Variants in CNTNAP2 observed in about 807,000 individuals in gnomAD.
The protein encoded by CNTNAP2 is contactin associated protein 2, also known as contactin-associated protein-like 2.
CNTNAP2 carries 98 observed loss-of-function variants against 155.2 expected under a neutral mutation model. The ratio of observed to expected loss-of-function variants is 0.63; its 90% CI spans 0.54 to 0.75. CNTNAP2 has a LOEUF of 0.75. CNTNAP2 is among the 30% of genes least tolerant of loss of function. The pLI is 0.00. For missense variants in CNTNAP2, 1,727 were observed against 1,688.1 expected, an observed-to-expected ratio of 1.02 and a Z score of -0.40; for synonymous variants, 651 against 631.2, an observed-to-expected ratio of 1.03 and a Z score of -0.47.
At chr7:147,137,382 T>A (rs928376020) in intron 8 of CNTNAP2, among the ~76,000 whole-genome samples, 1 of 151,480 alleles carries the variant, frequency 6.6e-6, no homozygotes, top group Non-Finnish European at 1.5e-5. Context: ...CTAATGTTGA[T>A]CATCTCTAAT....
chr7:146,990,108 G>A (rs915213692), intron 3 of CNTNAP2, among the ~76,000 whole-genome samples: 1 of 152,090 alleles, frequency 6.6e-6, no homozygotes, highest in Non-Finnish European at 1.5e-5. Context: ...GGATTTGCAA[G>A]AGGACATAGT....
At chr7:146,844,729 G>T (rs10249664) in intron 3 of CNTNAP2, among the ~76,000 whole-genome samples, 5,630 of 152,132 alleles carry the variant, frequency 0.037, 341 homozygotes, top group African/African-American at 0.13. Flanking sequence ...TGTAGGATAG[G>T]AACATACTAC....
chr7:147,954,759 GT>G (rs1164935361), intron 14 of CNTNAP2, among the ~76,000 whole-genome samples: 2 of 152,164 alleles, frequency 1.3e-5, no homozygotes, highest in African/African-American at 4.8e-5. Flanking sequence ...TCCAAAGTGT[GT>G]TAGACACAAT....
At chr7:146,877,471 C>T (rs1454190351) in intron 3 of CNTNAP2, among the ~76,000 whole-genome samples, 2 of 151,754 alleles carry the variant, frequency 1.3e-5, no homozygotes, top group African/African-American at 4.8e-5. Context: ...CCCCACTGCA[C>T]TCCAGCCAGG....
intron 3 of CNTNAP2, among the ~76,000 whole-genome samples, chr7:146,909,220 A>T (rs1247657078): frequency 1.5e-4 from 22 of 149,038 alleles, no homozygotes; most frequent in Non-Finnish European, 2.5e-4. Context: ...ATTCTACCAG[A>T]GGTACAAGGA....
chr7:147,479,941 A>C (rs1798392697), intron 10 of CNTNAP2, among the ~76,000 whole-genome samples: 1 of 152,152 alleles, frequency 6.6e-6, no homozygotes, highest in Non-Finnish European at 1.5e-5. Flanking sequence ...TTTCTATTTG[A>C]ATAAAATAAA....
intron 13 of CNTNAP2, among the ~76,000 whole-genome samples, chr7:147,692,497 T>C (rs1360725354): frequency 6.6e-6 from 1 of 152,126 alleles, no homozygotes; most frequent in African/African-American, 2.4e-5. Flanking sequence ...CTGTCATTGC[T>C]TCACATTCTT....
At chr7:147,945,855 T>C (rs1398372330) in intron 14 of CNTNAP2, among the ~76,000 whole-genome samples, 1 of 145,354 alleles carries the variant, frequency 6.9e-6, no homozygotes, top group Non-Finnish European at 1.5e-5. Context: ...TTCTTTTCTT[T>C]TTTTTTCTTT....
At chr7:147,965,083 G>C (rs2116847687) in intron 14 of CNTNAP2, among the ~76,000 whole-genome samples, 1 of 152,268 alleles carries the variant, frequency 6.6e-6, no homozygotes, top group East Asian at 1.9e-4. Flanking sequence ...GTTGGAGAAA[G>C]AAGCCCAGGT....
chr7:147,364,634 G>T (rs13247402), intron 9 of CNTNAP2, among the ~76,000 whole-genome samples: 35,095 of 152,068 alleles, frequency 0.23, 4,392 homozygotes, highest in Non-Finnish European at 0.28. Flanking sequence ...CGGATCACAA[G>T]GTCAGGAGAT....
intron 1 of CNTNAP2, among the ~76,000 whole-genome samples, chr7:146,439,539 G>A (rs1294818206): frequency 1.3e-5 from 2 of 151,364 alleles, no homozygotes; most frequent in African/African-American, 2.5e-5. Context: ...AAAATTGTAT[G>A]TTCTGTCCAA....
intron 14 of CNTNAP2, among the ~76,000 whole-genome samples, chr7:147,944,160 G>A (rs1800779029): frequency 6.6e-6 from 1 of 152,044 alleles, no homozygotes; most frequent in African/African-American, 2.4e-5. Flanking sequence ...CTAGCCTACT[G>A]GTGTCTCATT....
At chr7:147,494,423 CTCTT>C (rs975670541) in intron 11 of CNTNAP2, among the ~76,000 whole-genome samples, 3 of 130,958 alleles carry the variant, frequency 2.3e-5, no homozygotes, top group African/African-American at 9.0e-5. Flanking sequence ...TTTGCAAAGA[CTCTT>C]TCAATAGTTT....
At position 146,943,258 on chromosome 7, in the gene CNTNAP2, G is replaced by A. The variant is rs143088599; in HGVS notation, c.403-100649G>A. Among the ~76,000 whole-genome samples the A allele has an allele frequency of 9.9e-5, 15 of 152,264 alleles. No individual in the cohort carries two copies. The East Asian group carries it at 2.9e-3, about 29-fold the overall frequency. Reference sequence around the variant, plus strand: ...CTCATAAGAAAGAGAAAATGAGGCCGAGGCAGGTGGTTCACCTGAGATCAG... The same window carrying A: ...CTCATAAGAAAGAGAAAATGAGGCCAAGGCAGGTGGTTCACCTGAGATCAG... On this transcript the variant is annotated intron_variant, in intron 3 of 23. Coordinates refer to ENST00000361727, the MANE Select transcript of CNTNAP2 (RefSeq NM_014141.6).
chr7:146,352,924 T>G (rs1794943017), intron 1 of CNTNAP2, among the ~76,000 whole-genome samples: 1 of 151,324 alleles, frequency 6.6e-6, no homozygotes, highest in African/African-American at 2.4e-5. Flanking sequence ...CCGGCTAATT[T>G]TTTGTATTTT....
chr7:147,221,010 C>A (rs186911227), intron 8 of CNTNAP2, among the ~76,000 whole-genome samples: 41 of 152,188 alleles, frequency 2.7e-4, no homozygotes, highest in Middle Eastern at 3.4e-3. Flanking sequence ...CCACACCTGG[C>A]CACACTTCTT....
At chr7:148,338,420 C>T (rs1177930) in intron 21 of CNTNAP2, among the ~76,000 whole-genome samples, 142,451 of 152,220 alleles carry the variant, frequency 0.94, 67,391 homozygotes, top group Non-Finnish European at 1. Context: ...GAGCGCTTTA[C>T]GAAAGTCAAG....
At position 147,213,115 on chromosome 7, in the gene CNTNAP2, C is replaced by T. The variant is rs140712885; in HGVS notation, c.1348+80606C>T. ...ATGGATACTGATAAGTCCCACAATC[C>T]GCTCTCTACAAATTGAAAAATGAGA... On this transcript the variant is annotated intron_variant, in intron 8 of 23. Transcript: ENST00000361727. Among the ~76,000 whole-genome samples the T allele has an allele frequency of 3.1e-3, 470 of 152,140 alleles. 2 individuals carry two copies. Among genetic ancestry groups the T allele is most frequent in the African/African-American group, 0.01 (434 of 41,512 alleles).
chr7:146,982,482 C>A (rs867734800), intron 3 of CNTNAP2, among the ~76,000 whole-genome samples: 1 of 152,136 alleles, frequency 6.6e-6, no homozygotes, highest in African/African-American at 2.4e-5. Context: ...ATGTTTAGCA[C>A]TCTTTGAAAG....
Sources: allele counts gnomAD v4.1 joint callset (sites outside exome capture counted in the v4.1 genomes callset), GRCh38; gene constraint gnomAD v4.1.1; transcripts MANE v1.5; gene names NCBI Gene and HGNC (gene_info 2026-07-23, HGNC 2026-07-21).